Variants in ERC2 observed in about 807,000 individuals in gnomAD.
ERC2 encodes ERC protein 2.
A neutral mutation model predicts 114.8 loss-of-function variants in ERC2; 42 were observed. That is an observed-to-expected ratio of 0.37 (90% CI 0.29 to 0.47). The LOEUF (loss-of-function observed/expected upper bound fraction) is 0.47, where lower values mean the gene tolerates loss of function less well. Ranked by LOEUF, ERC2 falls within the 20% of genes least tolerant of loss-of-function variation. The probability of loss-of-function intolerance (pLI) is 0.99; values close to 1 mark genes in which losing one functional copy is unlikely to be tolerated. For missense variants in ERC2, 939 were observed against 1,150.7 expected (o/e 0.82, Z 2.66); for synonymous variants, 454 against 425.5 (o/e 1.07, Z -0.82).
At chr3:55,516,465 A>AT (rs1293591928) in intron 17 of ERC2, among the ~76,000 whole-genome samples, 3 of 144,340 alleles carry the variant, frequency 2.1e-5, no homozygotes, top group South Asian at 2.3e-4. Context: ...GGAGAGCAAC[A>AT]TTTTACCTTG....
At chr3:55,649,838 C>T (rs539858781) in intron 17 of ERC2, among the ~76,000 whole-genome samples, 2 of 152,268 alleles carry the variant, frequency 1.3e-5, no homozygotes, top group East Asian at 3.9e-4. Flanking sequence ...AGGTGACTGC[C>T]TTTTAACACA....
At chr3:56,042,589 A>C (rs530423330) in intron 7 of ERC2, among the ~76,000 whole-genome samples, 3 of 152,170 alleles carry the variant, frequency 2.0e-5, no homozygotes, top group Non-Finnish European at 4.4e-5. Flanking sequence ...CCAAAGCCCA[A>C]ATTCAAATGG....
At chr3:55,587,662 T>G (rs1300500935) in intron 17 of ERC2, among the ~76,000 whole-genome samples, 1 of 152,218 alleles carries the variant, frequency 6.6e-6, no homozygotes, top group Non-Finnish European at 1.5e-5. Flanking sequence ...TCCAAAGTGG[T>G]TGTGAAATCC....
At chr3:55,581,585 G>A (rs1236976829) in intron 17 of ERC2, among the ~76,000 whole-genome samples, 1 of 152,076 alleles carries the variant, frequency 6.6e-6, no homozygotes, top group Non-Finnish European at 1.5e-5. Context: ...TGGTGAAAGG[G>A]AAAGAAGCCA....
chr3:55,937,063 G>A lies in ERC2; in HGVS notation c.2403+13362C>T, dbSNP rs117456760. On this transcript the variant is annotated intron_variant, in intron 13 of 17. Coordinates refer to ENST00000288221, the MANE Select transcript of ERC2 (RefSeq NM_015576.3). ...TCCCTTAGAAAAGCAATTACAGGCC[G>A]GGCACAGTGGCTCACGCCTGTAATT... 2.7e-3 allele frequency among the ~76,000 whole-genome samples: 406 copies of A among 152,234 alleles called. 11 individuals carry two copies. In the East Asian group the frequency reaches 0.068, roughly 25 times the overall value.
At chr3:55,865,036 G>A (rs1446949314) in intron 14 of ERC2, among the ~76,000 whole-genome samples, 2 of 151,736 alleles carry the variant, frequency 1.3e-5, no homozygotes, top group African/African-American at 2.4e-5. Flanking sequence ...GTTAAATATC[G>A]ACTTTAAGCC....
chr3:56,128,400 G>A (rs75272686), intron 6 of ERC2, among the ~76,000 whole-genome samples: 94 of 152,158 alleles, frequency 6.2e-4, no homozygotes, highest in African/African-American at 2.1e-3. Context: ...TAAAACTGAC[G>A]CACTGGAGAT....
At chr3:55,565,602 A>G (rs2056317623) in intron 17 of ERC2, among the ~76,000 whole-genome samples, 1 of 152,160 alleles carries the variant, frequency 6.6e-6, no homozygotes, top group East Asian at 1.9e-4. Flanking sequence ...CAGAAAAAAA[A>G]AAAGTGCTAA....
intron 2 of ERC2, among the ~76,000 whole-genome samples, chr3:56,325,874 C>T (rs1040302503): frequency 8.5e-5 from 13 of 152,274 alleles, no homozygotes; most frequent in Admixed American, 2.6e-4. Context: ...AGTCTGGCTC[C>T]GGAACCCAAG....
intron 3 of ERC2, among the ~76,000 whole-genome samples, chr3:56,249,615 C>T (rs530994161): frequency 6.6e-6 from 1 of 152,096 alleles, no homozygotes; most frequent in South Asian, 2.1e-4. Flanking sequence ...CGTGAACCAC[C>T]GTGCCCGGCC....
intron 12 of ERC2, among the ~76,000 whole-genome samples, chr3:55,981,479 T>C (rs1247596747): frequency 6.6e-6 from 1 of 152,198 alleles, no homozygotes; most frequent in Non-Finnish European, 1.5e-5. Flanking sequence ...ACAGGAAGTA[T>C]TGGTCTCTGA....
At chr3:56,145,081 C>T (rs931276608) in intron 5 of ERC2, among the ~76,000 whole-genome samples, 4 of 152,262 alleles carry the variant, frequency 2.6e-5, no homozygotes, top group Admixed American at 6.5e-5. Flanking sequence ...CCCCCACTTA[C>T]GTCTGTGACA....
At chr3:56,387,298 A>G (rs534245230) in intron 2 of ERC2, among the ~76,000 whole-genome samples, 1 of 152,324 alleles carries the variant, frequency 6.6e-6, no homozygotes, top group East Asian at 1.9e-4. Flanking sequence ...AACCTCTGTT[A>G]CAAAATTCAT....
At chr3:56,445,827 G>A (rs544494101) in intron 1 of ERC2, among the ~76,000 whole-genome samples, 7 of 152,108 alleles carry the variant, frequency 4.6e-5, no homozygotes, top group African/African-American at 1.7e-4. Flanking sequence ...TTACATGATA[G>A]TTTCAATAGC....
At chr3:56,432,454 C>T (rs540203913) in intron 2 of ERC2, among the ~76,000 whole-genome samples, 22 of 152,228 alleles carry the variant, frequency 1.4e-4, no homozygotes, top group Admixed American at 1.3e-3. Flanking sequence ...CATGAACCAG[C>T]AAAATCAGAA....
rs1182944360 is a variant in ERC2, at chr3:55,521,344, C to T, written c.*40-10068G>A. Among the ~76,000 whole-genome samples, 3 of 152,208 alleles carry T rather than the reference C, an allele frequency of 2.0e-5. No individual in the cohort carries two copies. The East Asian group carries it at 5.8e-4, about 29-fold the overall frequency. ...TTGAGCAATTTAACCTCTTCACCGC[C>T]AAGATCCTACAACCCAGTGCTTGAT... On this transcript the variant is annotated intron_variant, in intron 17 of 17. Coordinates refer to ENST00000288221, the MANE Select transcript of ERC2 (RefSeq NM_015576.3).
intron 3 of ERC2, among the ~76,000 whole-genome samples, chr3:56,184,737 T>G (rs1340261530): frequency 6.6e-6 from 1 of 152,238 alleles, no homozygotes; most frequent in Non-Finnish European, 1.5e-5. Context: ...ATCTAGTATT[T>G]TAACAGGGAT....
At chr3:56,285,160 C>T (rs1303783346) in intron 3 of ERC2, among the ~76,000 whole-genome samples, 3 of 149,496 alleles carry the variant, frequency 2.0e-5, no homozygotes, top group African/African-American at 2.5e-5. Context: ...AGTCAGACTC[C>T]GGGTGAAGAA....
chr3:55,596,135 A>C (rs1467577534), intron 17 of ERC2, among the ~76,000 whole-genome samples: 1 of 152,216 alleles, frequency 6.6e-6, no homozygotes, highest in Non-Finnish European at 1.5e-5. Context: ...AGAAATAAAG[A>C]AAGCACAGTC....
Sources: gnomAD v4.1 joint callset for allele counts (sites outside exome capture counted in the v4.1 genomes callset) on GRCh38, gnomAD v4.1.1 for gene constraint, MANE v1.5 for transcripts, NCBI Gene and HGNC (gene_info 2026-07-23, HGNC 2026-07-21) for gene names.